The following FRY variants were observed in gnomAD, a reference collection of about 807,000 sequenced individuals.
The protein encoded by FRY is protein furry homolog.
In FRY, 128 loss-of-function variants were observed where a neutral mutation model predicts 348.4. The ratio of observed to expected loss-of-function variants is 0.37; its 90% CI spans 0.32 to 0.43. The LOEUF (loss-of-function observed/expected upper bound fraction) is 0.43, where lower values mean the gene tolerates loss of function less well. Among genes scored for constraint, FRY ranks in the 20% least tolerant of loss-of-function variants. FRY has a pLI of 1.00. For missense variants in FRY, 2,736 were observed against 3,695.2 expected, an observed-to-expected ratio of 0.74 and a Z score of 6.73; for synonymous variants, 1,370 against 1,374.7, an observed-to-expected ratio of 1.00 and a Z score of 0.08.
chr13:32,107,566 C>T (rs1415319236), intron 3 of FRY, among the ~76,000 whole-genome samples: 5 of 152,198 alleles, frequency 3.3e-5, no homozygotes, highest in Non-Finnish European at 7.3e-5. Context: ...GCACCTACCT[C>T]CTGGCAACCA....
intron 4 of FRY, among the ~76,000 whole-genome samples, chr13:32,123,536 G>A (rs1162332840): frequency 6.6e-6 from 1 of 152,124 alleles, no homozygotes; most frequent in Admixed American, 6.5e-5. Context: ...GCTCAAATTG[G>A]TGATCATATT....
chr13:32,237,939 T>A lies in FRY; in HGVS notation c.6371T>A (p.Leu2124Gln), dbSNP rs747972211. ...CTGACCCTGCAGCTCTTCAGTCTGC[T>A]GACACCAGTGTCCAAAATATCCATG... ...TDLTLQLFSLLTPVSKISMVD... is the reference protein window; with the variant it reads ...TDLTLQLFSLQTPVSKISMVD... Residue 2124 changes from leucine (L) to glutamine (Q), a missense_variant, in exon 44 of 61, where the codon CTG (leucine) becomes CAG (glutamine). This residue lies in a region of FRY where 789 missense variants were observed against 996.2 expected (regional missense o/e 0.79). Transcript: ENST00000542859. This position sits in a 1 kb window ranked among gnomAD's most constrained non-coding sequence, Gnocchi z 6.3. 1 of 1,614,108 alleles carries A rather than the reference T, an allele frequency of 6.2e-7. No homozygotes were observed. Among genetic ancestry groups the A allele is most frequent in the Non-Finnish European group, 8.5e-7 (1 of 1,179,970 alleles).
intron 1 of FRY, among the ~76,000 whole-genome samples, chr13:32,032,667 T>C (rs1872303081): frequency 6.6e-6 from 1 of 152,232 alleles, no homozygotes; most frequent in Non-Finnish European, 1.5e-5. Flanking sequence ...TGGAATCAAA[T>C]TAAAATGAGG....
At chr13:32,069,266 C>T (rs1385300077) in intron 1 of FRY, among the ~76,000 whole-genome samples, 1 of 152,112 alleles carries the variant, frequency 6.6e-6, no homozygotes, top group Non-Finnish European at 1.5e-5. Context: ...GTCCCTCTAA[C>T]GGCTAAAAAG....
intron 1 of FRY, among the ~76,000 whole-genome samples, chr13:32,048,205 G>A (rs193162361): frequency 6.6e-6 from 1 of 152,312 alleles, no homozygotes; most frequent in Non-Finnish European, 1.5e-5. Flanking sequence ...GGAGGTCTGT[G>A]CCTAAACTTT....
At chr13:32,213,434 C>T (rs1351710800) in intron 35 of FRY, among the ~76,000 whole-genome samples, 1 of 152,200 alleles carries the variant, frequency 6.6e-6, no homozygotes, top group Non-Finnish European at 1.5e-5. Flanking sequence ...ACTAAAAGCC[C>T]AAACCCAGCA....
intron 18 of FRY, among the ~76,000 whole-genome samples, chr13:32,171,794 A>G (rs1452143508): frequency 6.6e-6 from 1 of 152,050 alleles, no homozygotes; most frequent in Non-Finnish European, 1.5e-5. Flanking sequence ...GTGAACATTC[A>G]CAAGGCTATT....
At chr13:32,252,965 A>G (rs1887159569) in intron 50 of FRY, among the ~76,000 whole-genome samples, 1 of 152,164 alleles carries the variant, frequency 6.6e-6, no homozygotes, top group Non-Finnish European at 1.5e-5. Context: ...GTGAAGAGAC[A>G]CAAGTATGTT....
chr13:32,102,653 G>A (rs1225305655), intron 3 of FRY, among the ~76,000 whole-genome samples: 1 of 152,132 alleles, frequency 6.6e-6, no homozygotes, highest in Non-Finnish European at 1.5e-5. Context: ...GACTAGTAAA[G>A]AACATTCAAC....
At chr13:32,090,776 T>C (rs1038277532) in intron 2 of FRY, among the ~76,000 whole-genome samples, 3 of 152,192 alleles carry the variant, frequency 2.0e-5, no homozygotes, top group African/African-American at 4.8e-5. Flanking sequence ...AAATGAAGAT[T>C]AACTTTGTAG....
chr13:32,071,665 G>A (rs1046624297), intron 1 of FRY, among the ~76,000 whole-genome samples: 3 of 152,084 alleles, frequency 2.0e-5, no homozygotes, highest in African/African-American at 7.2e-5. Context: ...CGTATATGCA[G>A]TATCTAAAAT....
intron 59 of FRY, among the ~76,000 whole-genome samples, chr13:32,291,300 C>A (rs1253285475): frequency 6.6e-6 from 1 of 152,138 alleles, no homozygotes; most frequent in East Asian, 1.9e-4. Context: ...CCTTCACAAC[C>A]AGTTTTCCTC....
chr13:32,061,326 A>G lies in FRY; in HGVS notation c.71-17508A>G, dbSNP rs536127450. On this transcript the variant is annotated intron_variant, in intron 1 of 60. Coordinates refer to ENST00000542859, the MANE Select transcript of FRY (RefSeq NM_023037.3). ...ATGCCATTGTTCAGAGACAGGAGTA[A>G]TGCTTGAGGTGTTACATTTGAGATT... 2.0e-4 allele frequency among the ~76,000 whole-genome samples: 31 copies of G among 152,240 alleles called. No homozygotes were observed. The South Asian group carries it at 5.0e-3, about 24-fold the overall frequency.
intron 14 of FRY, among the ~76,000 whole-genome samples, chr13:32,151,601 T>C (rs1880798247): frequency 1.3e-5 from 2 of 152,278 alleles, no homozygotes; most frequent in African/African-American, 4.8e-5. Context: ...ATTATCTTAC[T>C]GTAAACTTTA....
Position 32,236,293 on chromosome 13 carries a change from G to T in FRY, c.5810+121G>T, listed in dbSNP as rs966713425. ...AGTTTTTGAAGTATATTTATGACCT[G>T]AAAAAGTATGTGTAATACTTTCTTA... On this transcript the variant is annotated intron_variant, in intron 43 of 60. Transcript: ENST00000542859. 5.5e-6 allele frequency: 4 copies of T among 724,760 alleles called. No individual in the cohort carries two copies. The African/African-American group carries it at 7.0e-5, about 13-fold the overall frequency. 44.9% of individuals were successfully genotyped at this position (724,760 alleles called of 1,614,324 possible).
chr13:32,234,238 A>G (rs1348051128), intron 41 of FRY, among the ~76,000 whole-genome samples: 1 of 151,900 alleles, frequency 6.6e-6, no homozygotes, highest in Non-Finnish European at 1.5e-5. Flanking sequence ...CCTTGGCAAC[A>G]TAGTGAGACC....
At chr13:32,288,893 G>T (rs1351782657) in intron 58 of FRY, among the ~76,000 whole-genome samples, 1 of 152,110 alleles carries the variant, frequency 6.6e-6, no homozygotes, top group East Asian at 1.9e-4. Context: ...CTTGTCACTG[G>T]CATTGGAATT....
At chr13:32,064,666 G>A (rs1273262399) in intron 1 of FRY, among the ~76,000 whole-genome samples, 2 of 152,156 alleles carry the variant, frequency 1.3e-5, no homozygotes, top group African/African-American at 4.8e-5. Flanking sequence ...TCCATTGGCT[G>A]TTCAACCTGG....
At chr13:32,048,428 T>A (rs1389724908) in intron 1 of FRY, among the ~76,000 whole-genome samples, 1 of 152,206 alleles carries the variant, frequency 6.6e-6, no homozygotes, top group Non-Finnish European at 1.5e-5. Context: ...TGGGCAGATA[T>A]GTCCATGAAA....
Sources: allele counts gnomAD v4.1 joint callset (sites outside exome capture counted in the v4.1 genomes callset), GRCh38; gene constraint gnomAD v4.1.1; regional missense constraint gnomAD v4.1.1; non-coding constraint Gnocchi (gnomAD v3.1); transcripts MANE v1.5; gene names NCBI Gene and HGNC (gene_info 2026-07-23, HGNC 2026-07-21).